The following ERCC6 variants were observed in gnomAD, a reference collection of about 807,000 sequenced individuals.
ERCC6 encodes ERCC excision repair 6, chromatin remodeling factor, also known as DNA excision repair protein ERCC-6.
A neutral mutation model predicts 158.7 loss-of-function variants in ERCC6; 116 were observed. That is an observed-to-expected ratio of 0.73 (90% CI 0.63 to 0.85). The LOEUF (loss-of-function observed/expected upper bound fraction) is 0.85, where lower values mean the gene tolerates loss of function less well. Among genes scored for constraint, ERCC6 ranks in the 40% least tolerant of loss-of-function variants. ERCC6 has a pLI of 0.00. For synonymous variants in ERCC6, 678 were observed against 659.3 expected, an observed-to-expected ratio of 1.03 and a Z score of -0.43; for missense variants, 1,698 against 1,799.4, an observed-to-expected ratio of 0.94 and a Z score of 1.02.
At chr10:49,443,356 G>A in the ERCC6 span, among the ~76,000 whole-genome samples, 2 of 152,150 alleles carry the variant, frequency 1.3e-5, no homozygotes, top group East Asian at 1.9e-4. Context: ...ATACTATTTA[G>A]ATATATACAA....
chr10:49,483,614 A>G (rs1851020708), intron 8 of ERCC6, 98 bp from the exon 9 acceptor site: 1 of 1,172,998 alleles, frequency 8.5e-7, no homozygotes. Flanking sequence ...ATGCACAAAT[A>G]CAAACATAAC....
chr10:49,507,612 T>C (rs919201046), intron 5 of ERCC6, among the ~76,000 whole-genome samples: 3 of 152,182 alleles, frequency 2.0e-5, no homozygotes, highest in Non-Finnish European at 4.4e-5. Flanking sequence ...ACAAATTTAG[T>C]TAAATGCAAT....
chr10:49,435,464 C>T, the ERCC6 span, among the ~76,000 whole-genome samples: 15 of 152,226 alleles, frequency 9.9e-5, no homozygotes, highest in South Asian at 2.1e-4. Flanking sequence ...GCCAATCCCA[C>T]GCAGAGCACA....
In ERCC6 at chr10:49,473,496, A is replaced by G; in HGVS notation, c.2690T>C (p.Leu897Pro). 6.2e-7 allele frequency: 1 copy of G among 1,608,360 alleles called. No individual in the cohort carries two copies. The highest frequency in any genetic ancestry group is 8.5e-7 in the Non-Finnish European group (1 of 1,174,720). The change falls in exon 14 of 21, where the codon CTG (leucine) becomes CCG (proline). Residue 897 changes from leucine (L) to proline (P), a missense_variant. Transcript: ENST00000355832. ...GTTTIASRQP[L>P]ITRYNEDTSI... ...TGTTACCTCATTGTATCTCGTAATC[A>G]GTGGCTGTCTTGAAGCTATTGTAGT... is the stretch of plus-strand genomic sequence containing the variant.
At position 49,474,136 on chromosome 10, in the gene ERCC6, T is replaced by C; in HGVS notation, c.2489A>G (p.Asp830Gly). 3 of 1,614,102 alleles carry C rather than the reference T, an allele frequency of 1.9e-6. No homozygotes were observed. The highest frequency in any genetic ancestry group is 1.1e-5 in the South Asian group (1 of 91,086). Residue 830 changes from aspartate to glycine, a missense_variant, in exon 13 of 21, where the codon GAT (aspartate) becomes GGT (glycine). Physicochemically the swap from Asp to Gly is moderately conservative, Grantham distance 94. Coordinates refer to ENST00000355832, the MANE Select transcript of ERCC6 (RefSeq NM_000124.4). Reference protein sequence around the residue: ...KGLPDDELEEDQFGYWKRSGK... With the variant: ...KGLPDDELEEGQFGYWKRSGK... ...AGAACGTTTCCAGTACCCAAACTGA[T>C]CTTCTTCTAGTTCATCATCAGGAAG...
intron 6 of ERCC6, 92 bp from the exon 7 acceptor site, chr10:49,500,788 G>T: frequency 7.2e-7 from 1 of 1,395,108 alleles, no homozygotes; most frequent in Non-Finnish European, 1.0e-6. Context: ...TAATCATTTG[G>T]CTAGGTTCTA....
At position 49,471,088 on chromosome 10, in the gene ERCC6, A is replaced by G. The variant is rs1192424921; in HGVS notation, c.2957T>C (p.Val986Ala). 3 of 1,613,844 alleles carry G rather than the reference A, an allele frequency of 1.9e-6. No individual in the cohort carries two copies. Among genetic ancestry groups the G allele is most frequent in the Middle Eastern group, 1.6e-4 (1 of 6,084 alleles). Reference sequence around the variant, plus strand: ...CCGCCTTTGTTTTGGGTCTTTTAGCACTCTATTTGTCAAAAACTGCTTGAA... The same window carrying G: ...CCGCCTTTGTTTTGGGTCTTTTAGCGCTCTATTTGTCAAAAACTGCTTGAA... ...QIFKQFLTNR[V>A]LKDPKQRRFF... The change falls in exon 17 of 21, where the codon GTG (valine) becomes GCG (alanine). Residue 986 changes from valine to alanine, a missense_variant. Transcript: ENST00000355832.
chr10:49,468,277 A>G (rs967547244), intron 18 of ERCC6, among the ~76,000 whole-genome samples: 3 of 152,170 alleles, frequency 2.0e-5, no homozygotes, highest in African/African-American at 7.2e-5. Context: ...TTGCATGTGA[A>G]TGCCAGCCAC....
Position 49,524,528 on chromosome 10 carries a change from G to A in ERCC6, c.902C>T (p.Pro301Leu). 6.8e-6 allele frequency: 11 copies of A among 1,614,234 alleles called. No homozygotes were observed. Among genetic ancestry groups the A allele is most frequent in the Non-Finnish European group, 9.3e-6 (11 of 1,180,032 alleles). The change falls in exon 5 of 21, where the codon CCA (proline) becomes CTA (leucine). Residue 301 changes from proline to leucine, a missense_variant. By Grantham distance (98) the Pro-to-Leu change is moderately conservative (BLOSUM62 -3). Coordinates refer to ENST00000355832, the MANE Select transcript of ERCC6 (RefSeq NM_000124.4). ...NKRAARKAPA[P>L]VTPPAPVQNK... ...TTGCACTGGGGCTGGAGGCGTGACTGGGGCTGGAGCTTTTCTAGCTGCTCT... is the reference window on the plus strand; with the variant it reads ...TTGCACTGGGGCTGGAGGCGTGACTAGGGCTGGAGCTTTTCTAGCTGCTCT...
rs1279717805 is a variant in ERCC6 at position 49,456,047 on chromosome 10, TAAATG to T, written c.*2763_*2767del. On this transcript the variant is annotated 3_prime_UTR_variant, in exon 21 of 21. Coordinates refer to ENST00000355832, the MANE Select transcript of ERCC6 (RefSeq NM_000124.4). ...AATAGAAATGTCTTGCATATAATAT[TAAATG>T]AAAAGTTAGTTGCAAAATAAGGATG... The T allele has an allele frequency of 4.6e-5, 7 of 152,226 alleles. No individual in the cohort carries two copies. Among genetic ancestry groups the T allele is most frequent in the African/African-American group, 1.7e-4 (7 of 41,456 alleles). 9.4% of individuals were successfully genotyped at this position (152,226 alleles called of 1,614,324 possible).
At chr10:49,490,357 CT>C (rs11400742) in intron 8 of ERCC6, among the ~76,000 whole-genome samples, 61 of 140,416 alleles carry the variant, frequency 4.3e-4, no homozygotes, top group Non-Finnish European at 5.0e-4. Flanking sequence ...AAAAATTTTC[CT>C]TTTTTTTTTT....
intron 8 of ERCC6, 71 bp from the exon 9 acceptor site, chr10:49,483,587 TA>T: frequency 7.0e-7 from 1 of 1,433,782 alleles, no homozygotes; most frequent in South Asian, 1.2e-5. Context: ...TGACACAATC[TA>T]AAGTACTTTA....
At chr10:49,442,056 G>A in the ERCC6 span, among the ~76,000 whole-genome samples, 1 of 152,106 alleles carries the variant, frequency 6.6e-6, no homozygotes, top group African/African-American at 2.4e-5. Context: ...AACAAGACCC[G>A]CGCCCCCGGG....
intron 4 of ERCC6, among the ~76,000 whole-genome samples, chr10:49,525,914 T>C (rs1428199471): frequency 6.6e-6 from 1 of 151,738 alleles, no homozygotes; most frequent in Non-Finnish European, 1.5e-5. Flanking sequence ...GTTTGTGCCC[T>C]GTGTCCACCT....
chr10:49,495,371 C>G (rs995191447), intron 7 of ERCC6, among the ~76,000 whole-genome samples: 4 of 152,184 alleles, frequency 2.6e-5, no homozygotes, highest in African/African-American at 9.7e-5. Context: ...ACTCTGCACA[C>G]TGTCATTCCT....
intron 19 of ERCC6, 88 bp downstream of exon 19, chr10:49,461,264 C>T: frequency 2.3e-6 from 3 of 1,289,740 alleles, no homozygotes; most frequent in Non-Finnish European, 3.3e-6. Flanking sequence ...AGAGAAATAA[C>T]AGTATAAGCC....
downstream of ERCC6, among the ~76,000 whole-genome samples, chr10:49,453,514 A>G (rs573142983): frequency 1.4e-4 from 22 of 152,316 alleles, no homozygotes; most frequent in African/African-American, 5.1e-4. Flanking sequence ...AGACCAATAC[A>G]TCATATACGT....
At chr10:49,476,414 G>A (rs1160244085) in intron 11 of ERCC6, 104 bp from the exon 12 acceptor site, 6 of 732,930 alleles carry the variant, frequency 8.2e-6, no homozygotes, top group African/African-American at 3.6e-5. Context: ...CAATGCATGC[G>A]ATTTTAATGA....
At position 49,455,521 on chromosome 10, in the gene ERCC6, C is replaced by A. The variant is rs945996985; in HGVS notation, c.*3294G>T. ...CACAATGCAAAGCACCAAATGACAG[C>A]GTGAGGAGTGTGGTTGGTAGAACCA... On this transcript the variant is annotated 3_prime_UTR_variant, in exon 21 of 21. Transcript: ENST00000355832. 6.6e-6 allele frequency: 1 copy of A among 152,172 alleles called. No homozygotes were observed. The highest frequency in any genetic ancestry group is 6.5e-5 in the Admixed American group (1 of 15,286). 9.4% of individuals were successfully genotyped at this position (152,172 alleles called of 1,614,324 possible). A position where few individuals can be genotyped will look rare whatever the true frequency, so the allele number is the denominator to read the frequency against.
Sources: allele counts gnomAD v4.1 joint callset (sites outside exome capture counted in the v4.1 genomes callset), GRCh38; gene constraint gnomAD v4.1.1; transcripts MANE v1.5; gene names NCBI Gene and HGNC (gene_info 2026-07-23, HGNC 2026-07-21).